CIT: variants seen among roughly 807,000 people sequenced by gnomAD.
CIT encodes the protein citron rho-interacting serine/threonine kinase.
CIT carries 79 observed loss-of-function variants against 272.7 expected under a neutral mutation model. The ratio of observed to expected loss-of-function variants is 0.29; its 90% CI spans 0.24 to 0.35. The LOEUF is 0.35. Among genes scored for constraint, CIT ranks in the 10% least tolerant of loss-of-function variants. The probability of loss-of-function intolerance (pLI) is 1.00; values close to 1 mark genes in which losing one functional copy is unlikely to be tolerated. For missense variants in CIT, 1,909 were observed against 2,618.3 expected (o/e 0.73, Z 5.91); for synonymous variants, 948 against 995.6 (o/e 0.95, Z 0.90).
Position 119,717,838 on chromosome 12 carries a change from C to CCTTTTTTTTTTTTTTTTTTTT in CIT, c.4168+406_4168+407insAAAAAAAAAAAAAAAAAAAAG, listed in dbSNP as rs1957598855. 1.2e-4 allele frequency among the ~76,000 whole-genome samples: 10 copies of CCTTTTTTTTTTTTTTTTTTTT among 81,332 alleles called. 1 individual carries two copies. Among genetic ancestry groups the CCTTTTTTTTTTTTTTTTTTTT allele is most frequent in the Non-Finnish European group, 1.8e-4 (8 of 44,328 alleles). 53.4% of individuals were successfully genotyped at this position (81,332 alleles called of 152,430 possible). ...GGGGAGCCAGGAGACTGACTTCTTT[C>CCTTTTTTTTTTTTTTTTTTTT]TTTTTTTTTTTTTTTTTTTTGAGAT... On this transcript the variant is annotated intron_variant, in intron 32 of 47. Transcript: ENST00000392521.
At chr12:119,862,808 TAAAAAAAAAAAAAAA>T (rs1157467178) in intron 3 of CIT, among the ~76,000 whole-genome samples, 13 of 10,250 alleles carry the variant, frequency 1.3e-3, no homozygotes, top group South Asian at 0.015. Flanking sequence ...AGACTCTACC[TAAAAAAAAAAAAAAA>T]AAAAAAAAAA....
intron 20 of CIT, among the ~76,000 whole-genome samples, chr12:119,760,695 G>C (rs573549556): frequency 2.6e-5 from 4 of 151,154 alleles, no homozygotes; most frequent in Admixed American, 6.6e-5. Context: ...TAGAAGGACA[G>C]TATTTTAGCA....
chr12:119,780,400 G>T lies in CIT; in HGVS notation c.1665+2118C>A, dbSNP rs539983323. Among the ~76,000 whole-genome samples the T allele has an allele frequency of 4.6e-5, 7 of 152,162 alleles. No individual in the cohort carries two copies. The South Asian group carries it at 1.0e-3, about 23-fold the overall frequency. ...TTGGGAGGCCAAGGCGGGCAGATCAGGAGGTCAGGAGTTCGAGACCAGCCT... is the reference window on the plus strand; with the variant it reads ...TTGGGAGGCCAAGGCGGGCAGATCATGAGGTCAGGAGTTCGAGACCAGCCT... On this transcript the variant is annotated intron_variant, in intron 13 of 47. Transcript: ENST00000392521.
At chr12:119,820,110 G>A (rs1967558191) in intron 9 of CIT, among the ~76,000 whole-genome samples, 1 of 152,188 alleles carries the variant, frequency 6.6e-6, no homozygotes, top group East Asian at 1.9e-4. Flanking sequence ...TGGTACCACG[G>A]ATTGATTCCT....
intron 27 of CIT, 134 bp downstream of exon 27, chr12:119,730,361 A>C: frequency 1.4e-5 from 13 of 902,720 alleles, no homozygotes; most frequent in East Asian, 1.3e-4. Flanking sequence ...AAACCATGGG[A>C]CATTTTTGGA....
intron 10 of CIT, among the ~76,000 whole-genome samples, chr12:119,788,404 C>T (rs1169191467): frequency 6.6e-6 from 1 of 152,098 alleles, no homozygotes; most frequent in African/African-American, 2.4e-5. Flanking sequence ...AGACTGGGTC[C>T]CTGGTCCTTC....
chr12:119,806,575 T>C (rs1445918662), intron 9 of CIT, among the ~76,000 whole-genome samples: 1 of 152,158 alleles, frequency 6.6e-6, no homozygotes, highest in Non-Finnish European at 1.5e-5. Flanking sequence ...GAACAACTTG[T>C]AGGGGTGTTT....
intron 13 of CIT, among the ~76,000 whole-genome samples, chr12:119,778,470 T>C (rs1014562068): frequency 7.2e-5 from 11 of 152,084 alleles, no homozygotes; most frequent in Admixed American, 5.9e-4. Flanking sequence ...AAAATCACAA[T>C]ATTCAGTAAC....
chr12:119,805,206 T>TGG (rs1255518342), intron 9 of CIT, among the ~76,000 whole-genome samples: 1 of 152,200 alleles, frequency 6.6e-6, no homozygotes, highest in Non-Finnish European at 1.5e-5. Flanking sequence ...GATACTAATA[T>TGG]GGAAGCAAAG....
rs753472080 is a variant in CIT at position 119,752,174 on chromosome 12, T to C, written c.2780A>G (p.Glu927Gly). ...CAGGGCTGTCAACTGTGACTCGCGC[T>C]CCTGCAGGGAGAGCTGTAGCTCTGT... ...QLTELQLSLQ[E>G]RESQLTALQA... Residue 927 changes from glutamate (E) to glycine (G), a missense_variant, in exon 23 of 48, where the codon GAG becomes GGG. By Grantham distance (98) the Glu-to-Gly change is moderately conservative. Transcript: ENST00000392521. 6.2e-7 allele frequency: 1 copy of C among 1,612,472 alleles called. No individual in the cohort carries two copies. Among genetic ancestry groups the C allele is most frequent in the Admixed American group, 1.7e-5 (1 of 60,022 alleles).
chr12:119,869,285 C>G, intron 2 of CIT, 84 bp from the exon 3 acceptor site: 1 of 1,373,174 alleles, frequency 7.3e-7, no homozygotes. Flanking sequence ...AAATTACAAG[C>G]CACCAACTCA....
At chr12:119,747,548 TG>T (rs1959612142) in intron 23 of CIT, among the ~76,000 whole-genome samples, 2 of 151,592 alleles carry the variant, frequency 1.3e-5, no homozygotes, top group African/African-American at 4.9e-5. Context: ...GTGAAACCCG[TG>T]ACTCACTAAA....
At chr12:119,786,266 C>G (rs1964789872) in intron 10 of CIT, among the ~76,000 whole-genome samples, 1 of 152,118 alleles carries the variant, frequency 6.6e-6, no homozygotes, top group Non-Finnish European at 1.5e-5. Context: ...GCTTATACAA[C>G]TCTTAGGAAA....
At chr12:119,793,695 C>G (rs1239362394) in intron 10 of CIT, among the ~76,000 whole-genome samples, 2 of 152,220 alleles carry the variant, frequency 1.3e-5, no homozygotes, top group Non-Finnish European at 1.5e-5. Context: ...CTGGAATACT[C>G]TTCCCACTTA....
chr12:119,732,565 C>T (rs1178989727), intron 26 of CIT, among the ~76,000 whole-genome samples: 1 of 152,142 alleles, frequency 6.6e-6, no homozygotes, highest in Admixed American at 6.5e-5. Flanking sequence ...AGTGGGGAAG[C>T]TGGGAGGATC....
At chr12:119,750,732 G>A (rs1038268850) in intron 23 of CIT, among the ~76,000 whole-genome samples, 5 of 150,152 alleles carry the variant, frequency 3.3e-5, no homozygotes, top group Admixed American at 1.3e-4. Context: ...ATGAAACTAC[G>A]TTAAATATAT....
chr12:119,711,988 A>T (rs573845383), intron 37 of CIT, among the ~76,000 whole-genome samples, 190 bp downstream of exon 37: 1 of 152,180 alleles, frequency 6.6e-6, no homozygotes, highest in South Asian at 2.1e-4. Context: ...ATGATGCCAC[A>T]CAAGCTACCT....
intron 9 of CIT, among the ~76,000 whole-genome samples, chr12:119,819,499 C>T (rs1468178413): frequency 1.3e-5 from 2 of 152,186 alleles, no homozygotes; most frequent in Non-Finnish European, 2.9e-5. Flanking sequence ...GCCAGGACCA[C>T]CTCTTGAGAT....
chr12:119,763,762 C>G (rs1359044476), intron 19 of CIT, among the ~76,000 whole-genome samples: 2 of 152,158 alleles, frequency 1.3e-5, no homozygotes, highest in East Asian at 3.9e-4. Flanking sequence ...ATATAATAAA[C>G]AGCATCTGAT....
Sources: allele counts gnomAD v4.1 joint callset (sites outside exome capture counted in the v4.1 genomes callset), GRCh38; gene constraint gnomAD v4.1.1; transcripts MANE v1.5; gene names NCBI Gene and HGNC (gene_info 2026-07-23, HGNC 2026-07-21).